Variants in ZNF695 observed in about 807,000 individuals in gnomAD.
ZNF695 encodes the protein zinc finger protein SBZF3.
ZNF695 carries 11 observed loss-of-function variants against 11.2 expected under a neutral mutation model. The observed-to-expected ratio is 0.98, with a 90% CI of 0.62 to 1.62. The LOEUF is 1.62. ZNF695 is among the 40% of genes most tolerant of loss of function. ZNF695 has a pLI of 0.00. For synonymous variants in ZNF695, 190 were observed against 201.4 expected, an observed-to-expected ratio of 0.94 and a Z score of 0.48; for missense variants, 559 against 590.5, an observed-to-expected ratio of 0.95 and a Z score of 0.55.
chr1:247,002,341 T>C (rs1294820837), intron 1 of ZNF695, among the ~76,000 whole-genome samples: 1 of 152,148 alleles, frequency 6.6e-6, no homozygotes, highest in African/African-American at 2.4e-5. Context: ...CAGAATCTCT[T>C]GGACAGAGCT....
chr1:246,950,109 A>C (rs1425411477), intron 5 of ZNF695, among the ~76,000 whole-genome samples: 3 of 152,278 alleles, frequency 2.0e-5, no homozygotes, highest in Non-Finnish European at 2.9e-5. Context: ...TGAGTTCCTG[A>C]TGTAACTCAC....
rs1669428224 is a variant in ZNF695 at position 247,002,833 on chromosome 1, G to A, written c.4-2759C>T. Reference sequence around the variant, plus strand: ...GGACTTGAAGGGACATTTCTCAAAAGAAGATATGCACATGGCCAACATGCA... The same window carrying A: ...GGACTTGAAGGGACATTTCTCAAAAAAAGATATGCACATGGCCAACATGCA... On this transcript the variant is annotated intron_variant, in intron 1 of 3. Transcript: ENST00000339986. Among the ~76,000 whole-genome samples, 2 of 151,562 alleles carry A rather than the reference G, an allele frequency of 1.3e-5. 1 individual carries two copies. The highest frequency in any genetic ancestry group is 4.1e-4 in the South Asian group (2 of 4,824).
intron 3 of ZNF695, chr1:246,996,070 C>A (rs766000402): frequency 6.7e-6 from 3 of 448,762 alleles, no homozygotes; most frequent in South Asian, 4.7e-5. Context: ...AATAGGCTGG[C>A]AGTGGTGGCC....
intron 4 of ZNF695, among the ~76,000 whole-genome samples, chr1:246,971,548 C>A (rs1668426270): frequency 6.6e-6 from 1 of 152,160 alleles, no homozygotes; most frequent in Non-Finnish European, 1.5e-5. Context: ...GACCAGGGAG[C>A]CCTCTAGTGG....
At chr1:246,974,769 C>T (rs998062263) in intron 4 of ZNF695, among the ~76,000 whole-genome samples, 3 of 152,162 alleles carry the variant, frequency 2.0e-5, no homozygotes, top group Non-Finnish European at 2.9e-5. Context: ...TTGACATTGT[C>T]TAGCCCAGAT....
rs1450394888 is a variant in ZNF695 at position 246,978,642 on chromosome 1, T to C, written c.390+9483A>G. On this transcript the variant is annotated intron_variant, in intron 4 of 5. Coordinates refer to the ZNF695 transcript ENST00000487338. Reference sequence around the variant, plus strand: ...TGAGTCCAGCTCTAAAGTTACCACATGTGTATGGCGTATTCCTAGTATGAC... The same window carrying C: ...TGAGTCCAGCTCTAAAGTTACCACACGTGTATGGCGTATTCCTAGTATGAC... 5.3e-5 allele frequency among the ~76,000 whole-genome samples: 8 copies of C among 152,192 alleles called. No individual in the cohort carries two copies. The East Asian group carries it at 1.2e-3, about 22-fold the overall frequency.
At chr1:246,980,664 C>T (rs903994017), downstream of ZNF695, among the ~76,000 whole-genome samples, 4 of 152,152 alleles carry the variant, frequency 2.6e-5, no homozygotes, top group East Asian at 1.9e-4. Flanking sequence ...CTGATCCACC[C>T]GCCTCAGCCT....
downstream of ZNF695, among the ~76,000 whole-genome samples, chr1:246,983,261 G>A (rs993758389): frequency 6.6e-6 from 1 of 151,920 alleles, no homozygotes; most frequent in African/African-American, 2.4e-5. Flanking sequence ...GCACATGCCT[G>A]TAATGCCAGC....
intron 4 of ZNF695, among the ~76,000 whole-genome samples, chr1:246,976,759 A>G (rs546214674): frequency 1.1e-4 from 16 of 152,190 alleles, no homozygotes; most frequent in South Asian, 4.1e-4. Context: ...GCGCCACTGC[A>G]CTCCAGCCTG....
At chr1:246,974,548 T>A (rs1189518041) in intron 4 of ZNF695, among the ~76,000 whole-genome samples, 1 of 152,226 alleles carries the variant, frequency 6.6e-6, no homozygotes, top group Non-Finnish European at 1.5e-5. Flanking sequence ...GGGAGTAAAT[T>A]TCATATCATG....
intron 1 of ZNF695, among the ~76,000 whole-genome samples, chr1:247,007,619 G>A (rs1669578736): frequency 1.3e-5 from 2 of 152,174 alleles, no homozygotes; most frequent in African/African-American, 4.8e-5. Context: ...ACAATCCAGG[G>A]AAGACGCGGC....
intron 5 of ZNF695, among the ~76,000 whole-genome samples, chr1:246,958,558 A>C (rs1668067902): frequency 6.6e-6 from 1 of 152,132 alleles, no homozygotes. Context: ...TCTGGCTGAC[A>C]TCCTCAGCTA....
At chr1:246,958,035 TTTTG>T (rs1449074756) in intron 5 of ZNF695, among the ~76,000 whole-genome samples, 84 of 151,490 alleles carry the variant, frequency 5.5e-4, no homozygotes, top group African/African-American at 1.4e-3. Context: ...GGGACTTGGT[TTTTG>T]TTTTGTTTTG....
chr1:246,965,889 T>C (rs1410465453), intron 5 of ZNF695, among the ~76,000 whole-genome samples: 3 of 151,902 alleles, frequency 2.0e-5, no homozygotes, highest in Non-Finnish European at 4.4e-5. Context: ...ATATACCTTG[T>C]TTCAGGTATT....
chr1:246,983,237 T>C (rs974562083), downstream of ZNF695, among the ~76,000 whole-genome samples: 3 of 148,254 alleles, frequency 2.0e-5, no homozygotes, highest in African/African-American at 7.5e-5. Context: ...TGCTTGTAGC[T>C]GGGCCACATG....
intron 1 of ZNF695, among the ~76,000 whole-genome samples, chr1:247,004,736 G>A (rs1301305479): frequency 6.6e-6 from 1 of 152,162 alleles, no homozygotes; most frequent in Non-Finnish European, 1.5e-5. Flanking sequence ...TGGTAAAGTG[G>A]TAGGATACAA....
At chr1:246,975,226 T>C (rs1572516932) in intron 4 of ZNF695, among the ~76,000 whole-genome samples, 1 of 152,208 alleles carries the variant, frequency 6.6e-6, no homozygotes, top group Non-Finnish European at 1.5e-5. Context: ...AGGCATTCCA[T>C]GAATACGTAC....
chr1:246,960,656 C>T (rs1460307973), intron 5 of ZNF695, among the ~76,000 whole-genome samples: 2 of 152,134 alleles, frequency 1.3e-5, no homozygotes, highest in Non-Finnish European at 2.9e-5. Flanking sequence ...AAGAATGGTA[C>T]AGGCCAGGCA....
chr1:246,957,458 A>G (rs149767901), intron 5 of ZNF695, among the ~76,000 whole-genome samples: 18 of 152,186 alleles, frequency 1.2e-4, no homozygotes, highest in African/African-American at 4.1e-4. Context: ...GACTATAAGA[A>G]AACTTTAATC....
Sources: allele counts gnomAD v4.1 joint callset (sites outside exome capture counted in the v4.1 genomes callset), GRCh38; gene constraint gnomAD v4.1.1; transcripts MANE v1.5; gene names NCBI Gene and HGNC (gene_info 2026-07-23, HGNC 2026-07-21).